The following EYA2 variants were observed in gnomAD, a reference collection of about 807,000 sequenced individuals.
EYA2 encodes the protein protein phosphatase EYA2.
EYA2 carries 31 observed loss-of-function variants against 69.2 expected under a neutral mutation model. That is an observed-to-expected ratio of 0.45 (90% confidence interval 0.34 to 0.60). EYA2 has a LOEUF of 0.60. EYA2 is among the 20% of genes least tolerant of loss of function. The pLI is 0.02. For missense variants in EYA2, 622 were observed against 701.2 expected (o/e 0.89, Z 1.28); for synonymous variants, 257 against 279.4 (o/e 0.92, Z 0.80).
chr20:47,061,370 T>C (rs2030876994), intron 5 of EYA2, among the ~76,000 whole-genome samples: 1 of 151,800 alleles, frequency 6.6e-6, no homozygotes, highest in Non-Finnish European at 1.5e-5. Flanking sequence ...CTACAGAAAA[T>C]ACAAGAAAAC....
rs144254467 is a variant in EYA2 at position 47,023,445 on chromosome 20, A to G, written c.415+7148A>G. ...AGACTCTTAGATCTGTGGATTTATCATTTCCATCAAATTTGGAAATTTTTC... is the reference window on the plus strand; with the variant it reads ...AGACTCTTAGATCTGTGGATTTATCGTTTCCATCAAATTTGGAAATTTTTC... On this transcript the variant is annotated intron_variant, in intron 5 of 15. Coordinates refer to ENST00000327619, the MANE Select transcript of EYA2 (RefSeq NM_005244.5). Among the ~76,000 whole-genome samples, 1,128 of 152,172 alleles carry G rather than the reference A, an allele frequency of 7.4e-3. 20 individuals are homozygous for G. Among genetic ancestry groups the G allele is most frequent in the African/African-American group, 0.026 (1,073 of 41,494 alleles).
rs147758686 is a variant in EYA2, at chr20:46,994,853, C to G, written c.109+4734C>G. 7.6e-3 allele frequency among the ~76,000 whole-genome samples: 1,160 copies of G among 151,996 alleles called. 11 individuals are homozygous for G. The highest frequency in any genetic ancestry group is 0.027 in the African/African-American group (1,110 of 41,448). On this transcript the variant is annotated intron_variant, in intron 2 of 15. Transcript: ENST00000327619. ...TCACAAATGTCATAGTCTCGAGCCACTTTCTGGCGTATATTCAGACCACCT... is the reference window on the plus strand; with the variant it reads ...TCACAAATGTCATAGTCTCGAGCCAGTTTCTGGCGTATATTCAGACCACCT...
chr20:46,990,117 A>G lies in EYA2; in HGVS notation c.107A>G (p.Gln36Arg). The G allele has an allele frequency of 6.3e-7, 1 of 1,587,096 alleles. No individual in the cohort carries two copies. Among genetic ancestry groups the G allele is most frequent in the Non-Finnish European group, 8.7e-7 (1 of 1,155,828 alleles). ...DAAVWTLSDR[Q>R]GITKSAPLRV... is the part of the protein sequence containing the mutation. ...GCTGTGTGGACTCTGAGTGACAGAC[A>G]AGGTAGGCTTCCTGCTGTGAGTTTG... is the stretch of plus-strand genomic sequence containing the variant. Residue 36 changes from glutamine (Q) to arginine (R), a missense_variant and splice_region_variant, in exon 2 of 16, where the codon CAA (glutamine) becomes CGA (arginine). Gln to Arg is a conservative substitution (Grantham distance 43). This residue lies in a region of EYA2 where 365 missense variants were observed against 349.7 expected (regional missense o/e 1.04). Transcript: ENST00000327619.
intron 1 of EYA2, among the ~76,000 whole-genome samples, chr20:46,896,423 A>G (rs1463142220): frequency 6.6e-6 from 1 of 151,798 alleles, no homozygotes; most frequent in African/African-American, 2.4e-5. Context: ...AAAGAGGTAC[A>G]CAAAGAAAGA....
At chr20:46,954,067 C>T (rs1316204221) in intron 1 of EYA2, among the ~76,000 whole-genome samples, 1 of 152,226 alleles carries the variant, frequency 6.6e-6, no homozygotes, top group Non-Finnish European at 1.5e-5. Context: ...TCATTTCCAT[C>T]CCAGGGCCTT....
Position 47,188,057 on chromosome 20 carries a change from A to G in EYA2, c.1541A>G (p.Asn514Ser). 1.3e-6 allele frequency: 2 copies of G among 1,568,794 alleles called. No individual in the cohort carries two copies. Among genetic ancestry groups the G allele is most frequent in the East Asian group, 2.4e-5 (1 of 42,512 alleles). ...GGCTGGTGTTCTGTGTTTCAGCACA[A>G]CATGCCTTTCTGGCGGATATCCTGC... ...VEEEQGAKKHNMPFWRISCHA... is the reference protein window; with the variant it reads ...VEEEQGAKKHSMPFWRISCHA... The change falls in exon 16 of 16, where the codon AAC becomes AGC. Residue 514 changes from asparagine to serine, a missense_variant. Transcript: ENST00000327619.
chr20:47,105,469 A>T (rs2032546321), intron 9 of EYA2, among the ~76,000 whole-genome samples: 1 of 152,138 alleles, frequency 6.6e-6, no homozygotes, highest in Non-Finnish European at 1.5e-5. Flanking sequence ...TACTAAAAAC[A>T]CAAAAATTAG....
At chr20:47,054,213 C>T (rs1323659609) in intron 5 of EYA2, among the ~76,000 whole-genome samples, 4 of 152,138 alleles carry the variant, frequency 2.6e-5, no homozygotes, top group Non-Finnish European at 5.9e-5. Context: ...TTGCACCCCC[C>T]ACTTCTCCAA....
At chr20:47,075,443 G>A (rs1378354075) in intron 7 of EYA2, among the ~76,000 whole-genome samples, 1 of 152,104 alleles carries the variant, frequency 6.6e-6, no homozygotes, top group Non-Finnish European at 1.5e-5. Context: ...TGATTGGTGG[G>A]GCTAGGATCC....
intron 10 of EYA2, among the ~76,000 whole-genome samples, chr20:47,151,792 G>T (rs1056079947): frequency 2.0e-5 from 3 of 151,914 alleles, no homozygotes; most frequent in African/African-American, 7.2e-5. Context: ...TGAATTCTGT[G>T]TTCCCCACCA....
At chr20:46,921,413 G>A (rs1015921293) in intron 1 of EYA2, among the ~76,000 whole-genome samples, 1 of 152,180 alleles carries the variant, frequency 6.6e-6, no homozygotes, top group Non-Finnish European at 1.5e-5. Context: ...TTGCCCAGCT[G>A]GCATCCATTC....
chr20:46,911,416 CG>C (rs1984637768), intron 1 of EYA2, among the ~76,000 whole-genome samples: 1 of 152,148 alleles, frequency 6.6e-6, no homozygotes, highest in Admixed American at 6.5e-5. Flanking sequence ...GCATGGCACC[CG>C]GGCAGGCTCA....
intron 10 of EYA2, among the ~76,000 whole-genome samples, chr20:47,157,389 A>C (rs2033975172): frequency 6.7e-6 from 1 of 149,932 alleles, no homozygotes; most frequent in Non-Finnish European, 1.5e-5. Context: ...AAGAGTACTA[A>C]GTATCATACC....
At chr20:47,158,839 A>C (rs116339934) in intron 10 of EYA2, among the ~76,000 whole-genome samples, 122 of 152,104 alleles carry the variant, frequency 8.0e-4, no homozygotes, top group African/African-American at 2.8e-3. Context: ...CAACAAAATA[A>C]AACAAAAGCT....
chr20:46,902,923 G>T (rs1395165940), intron 1 of EYA2, among the ~76,000 whole-genome samples: 1 of 152,202 alleles, frequency 6.6e-6, no homozygotes, highest in Non-Finnish European at 1.5e-5. Context: ...TGACCTCTAA[G>T]CTATTGCAAT....
chr20:46,943,469 A>G (rs771125070), intron 1 of EYA2, among the ~76,000 whole-genome samples: 7 of 152,196 alleles, frequency 4.6e-5, no homozygotes, highest in South Asian at 2.1e-4. Flanking sequence ...TGTGAGATCA[A>G]TGAGAAATAC....
At chr20:47,154,687 G>A (rs543751493) in intron 10 of EYA2, among the ~76,000 whole-genome samples, 1 of 152,152 alleles carries the variant, frequency 6.6e-6, no homozygotes, top group South Asian at 2.1e-4. Flanking sequence ...GGAGGCTGGA[G>A]TCACTGAGAA....
At chr20:46,917,635 G>A (rs1984972124) in intron 1 of EYA2, among the ~76,000 whole-genome samples, 1 of 152,192 alleles carries the variant, frequency 6.6e-6, no homozygotes, top group South Asian at 2.1e-4. Flanking sequence ...CAAGTCACGT[G>A]AATTTTTTGG....
At chr20:47,149,010 G>A (rs1461994827) in intron 10 of EYA2, among the ~76,000 whole-genome samples, 2 of 152,042 alleles carry the variant, frequency 1.3e-5, no homozygotes, top group African/African-American at 4.8e-5. Flanking sequence ...GAAGAGATTG[G>A]GGAGGCCTGG....
Sources: allele counts gnomAD v4.1 joint callset (sites outside exome capture counted in the v4.1 genomes callset), GRCh38; gene constraint gnomAD v4.1.1; regional missense constraint gnomAD v4.1.1; transcripts MANE v1.5; gene names NCBI Gene and HGNC (gene_info 2026-07-23, HGNC 2026-07-21).